Variants in GRIN3A observed in about 807,000 individuals in gnomAD.
GRIN3A encodes glutamate receptor ionotropic, NMDA 3A.
Under a neutral mutation model 92.4 loss-of-function variants are expected in GRIN3A, and 47 were observed. The ratio of observed to expected loss-of-function variants is 0.51; its 90% CI spans 0.40 to 0.65. GRIN3A has a LOEUF of 0.65. Among genes scored for constraint, GRIN3A ranks in the 30% least tolerant of loss-of-function variants. The pLI, the probability that GRIN3A is intolerant of heterozygous loss-of-function variation, is 0.00. For synonymous variants in GRIN3A, 527 were observed against 540.6 expected, an observed-to-expected ratio of 0.97 and a Z score of 0.35; for missense variants, 1,324 against 1,393.1, an observed-to-expected ratio of 0.95 and a Z score of 0.79.
intron 3 of GRIN3A, among the ~76,000 whole-genome samples, chr9:101,647,865 C>T (rs1314868064): frequency 1.3e-5 from 2 of 151,612 alleles, no homozygotes; most frequent in African/African-American, 2.4e-5. Context: ...TATTTGTTTG[C>T]ATCTTCTTTC....
At position 101,594,995 on chromosome 9, in the gene GRIN3A, C is replaced by T. The variant is rs1294993881; in HGVS notation, c.2767-15635G>A. The T allele has an allele frequency of 1.7e-5, 25 of 1,455,788 alleles. No individual in the cohort carries two copies. In the Admixed American group the frequency reaches 1.8e-4, roughly 10 times the overall value. The allele number at this position is 1,455,788 out of a possible 1,614,324, so 90.2% of individuals were successfully genotyped here. On this transcript the variant is annotated intron_variant, in intron 6 of 8. Coordinates refer to ENST00000361820, the MANE Select transcript of GRIN3A (RefSeq NM_133445.3). ...AGGGGCGGTGAGCTCGGGCGGGGCT[C>T]GTGCCCGGACGGTTGGGCCATGGGG...
intron 1 of GRIN3A, among the ~76,000 whole-genome samples, chr9:101,730,696 T>C (rs1830127270): frequency 6.6e-6 from 1 of 152,080 alleles, no homozygotes; most frequent in South Asian, 2.1e-4. Context: ...ACAAAGTAAC[T>C]GTGAGGAAAA....
At chr9:101,731,239 A>G (rs552034384) in intron 1 of GRIN3A, among the ~76,000 whole-genome samples, 40 of 152,278 alleles carry the variant, frequency 2.6e-4, no homozygotes, top group South Asian at 1.5e-3. Flanking sequence ...CTTTGGTTGA[A>G]GGCTGACAAA....
chr9:101,673,973 A>C lies in GRIN3A; in HGVS notation c.1305-2866T>G, dbSNP rs189775564. Among the ~76,000 whole-genome samples the C allele has an allele frequency of 1.4e-3, 208 of 152,242 alleles. 1 individual carries two copies. The highest frequency in any genetic ancestry group is 0.011 in the Admixed American group (173 of 15,274). ...CCTGCACATTCTACTATAGGGTGCC[A>C]AGGAAAGTTTCGTAGAGGAGGAAGT... On this transcript the variant is annotated intron_variant, in intron 2 of 8. Transcript: ENST00000361820.
chr9:101,625,807 A>G (rs934100601), intron 4 of GRIN3A, among the ~76,000 whole-genome samples: 6 of 152,216 alleles, frequency 3.9e-5, no homozygotes, highest in African/African-American at 1.4e-4. Context: ...CAGTACCATA[A>G]TGTACCTTGA....
At chr9:101,612,930 A>G (rs979620624) in intron 6 of GRIN3A, among the ~76,000 whole-genome samples, 1 of 152,210 alleles carries the variant, frequency 6.6e-6, no homozygotes, top group African/African-American at 2.4e-5. Context: ...CTATTTTTCT[A>G]CATCCACAAA....
intron 7 of GRIN3A, among the ~76,000 whole-genome samples, chr9:101,578,097 G>A (rs183023485): frequency 4.5e-4 from 69 of 152,240 alleles, no homozygotes; most frequent in African/African-American, 1.6e-3. Context: ...ATTATAAAAC[G>A]GTATGTGATA....
intron 4 of GRIN3A, among the ~76,000 whole-genome samples, chr9:101,625,033 C>T (rs35320813): frequency 0.069 from 10,424 of 152,070 alleles, 512 homozygotes; most frequent in East Asian, 0.17. Flanking sequence ...TCTGTGAAGA[C>T]CAGAAAAGCA....
intron 8 of GRIN3A, 23 bp from the exon 9 acceptor site, chr9:101,573,536 A>G: frequency 6.3e-7 from 1 of 1,578,450 alleles, no homozygotes; most frequent in Non-Finnish European, 8.7e-7. Context: ...GAAATTTTAG[A>G]TTTACTTTCC....
rs367772655 is a variant in GRIN3A at position 101,573,401 on chromosome 9, G to A, written c.3121C>T (p.Arg1041Trp). The A allele has an allele frequency of 1.7e-5, 27 of 1,613,896 alleles. No homozygotes were observed. The highest frequency in any genetic ancestry group is 4.5e-5 in the East Asian group (2 of 44,874). Residue 1041 changes from arginine (R) to tryptophan (W), a missense_variant, in exon 9 of 9, where the codon CGG (arginine) becomes TGG (tryptophan). Arg to Trp is a moderately radical substitution (Grantham distance 101, BLOSUM62 -3). Transcript: ENST00000361820. ...GGGAGGGGGATGTCCTGGTGGATCCGGATGCCCAGCTGGTTTTGTCCTTCC... is the reference window on the plus strand; with the variant it reads ...GGGAGGGGGATGTCCTGGTGGATCCAGATGCCCAGCTGGTTTTGTCCTTCC... ...DEEGQNQLGI[R>W]IHQDIPLPPR...
Position 101,670,888 on chromosome 9 carries a change from T to C in GRIN3A, c.1524A>G (p.Gln508=). 1 of 1,612,160 alleles carries C rather than the reference T, an allele frequency of 6.2e-7. No individual in the cohort carries two copies. The change falls in exon 3 of 9, where the codon CAA becomes CAG. Residue 508 remains glutamine, a synonymous_variant. Transcript: ENST00000361820. ...CTCTCAAGTGTAGCTTACTTGGATG[T>C]TGGAAGTGGGTTTTGTGTCTCTGGG... ...EQAQRHKTHF[Q]HPSKLHLRVV...
At chr9:101,703,863 G>A (rs754729635) in intron 1 of GRIN3A, among the ~76,000 whole-genome samples, 20 of 151,970 alleles carry the variant, frequency 1.3e-4, no homozygotes, top group Non-Finnish European at 2.6e-4. Flanking sequence ...CCTCTGTCTC[G>A]AGCAATCCCA....
At chr9:101,599,231 T>C (rs879868855) in intron 6 of GRIN3A, among the ~76,000 whole-genome samples, 1 of 152,192 alleles carries the variant, frequency 6.6e-6, no homozygotes, top group Admixed American at 6.5e-5. Flanking sequence ...AGAAATGTTA[T>C]GTAAGAGGTG....
intron 3 of GRIN3A, among the ~76,000 whole-genome samples, chr9:101,653,143 C>T (rs1289824604): frequency 6.6e-6 from 1 of 151,920 alleles, no homozygotes; most frequent in Non-Finnish European, 1.5e-5. Context: ...GTTATTAAAA[C>T]TTCAGTCATC....
At chr9:101,650,010 T>C (rs1007621177) in intron 3 of GRIN3A, among the ~76,000 whole-genome samples, 1 of 152,066 alleles carries the variant, frequency 6.6e-6, no homozygotes, top group Non-Finnish European at 1.5e-5. Context: ...AACTTAAATA[T>C]GTGGCTAGCT....
chr9:101,726,441 G>A (rs1410100902), intron 1 of GRIN3A, among the ~76,000 whole-genome samples: 1 of 152,136 alleles, frequency 6.6e-6, no homozygotes, highest in Non-Finnish European at 1.5e-5. Flanking sequence ...CCTTCTGGTG[G>A]TACAGCTCAG....
At chr9:101,735,156 C>T (rs1329885965) in intron 1 of GRIN3A, among the ~76,000 whole-genome samples, 1 of 118,100 alleles carries the variant, frequency 8.5e-6, no homozygotes, top group East Asian at 2.2e-4. Context: ...AAATGAGATA[C>T]CAAAAGTAAG....
intron 1 of GRIN3A, among the ~76,000 whole-genome samples, chr9:101,727,107 C>G (rs546836856): frequency 2.7e-4 from 41 of 152,186 alleles, no homozygotes; most frequent in African/African-American, 9.4e-4. Flanking sequence ...TAGTAAAATC[C>G]CTTCGGTAAC....
chr9:101,661,392 G>A (rs889808988), intron 3 of GRIN3A, among the ~76,000 whole-genome samples: 5 of 151,608 alleles, frequency 3.3e-5, no homozygotes, highest in African/African-American at 9.7e-5. Context: ...TTTTATATAC[G>A]TTGCATTATA....
Sources: allele counts gnomAD v4.1 joint callset (sites outside exome capture counted in the v4.1 genomes callset), GRCh38; gene constraint gnomAD v4.1.1; transcripts MANE v1.5; gene names NCBI Gene and HGNC (gene_info 2026-07-23, HGNC 2026-07-21).